Variants in TMEM117 observed in about 807,000 individuals in gnomAD.
TMEM117 encodes the protein transmembrane protein 117.
Under a neutral mutation model 52.4 loss-of-function variants are expected in TMEM117, and 27 were observed. The ratio of observed to expected loss-of-function variants is 0.51; its 90% CI spans 0.38 to 0.71. The LOEUF (loss-of-function observed/expected upper bound fraction) is 0.71, where lower values mean the gene tolerates loss of function less well. Ranked by LOEUF, TMEM117 falls within the 30% of genes least tolerant of loss-of-function variation. The pLI, the probability that TMEM117 is intolerant of heterozygous loss-of-function variation, is 0.00. For synonymous variants in TMEM117, 215 were observed against 206.3 expected (o/e 1.04, Z -0.36); for missense variants, 556 against 630.5 (o/e 0.88, Z 1.26).
At chr12:43,997,532 G>A (rs866857942) in intron 3 of TMEM117, among the ~76,000 whole-genome samples, 1 of 152,096 alleles carries the variant, frequency 6.6e-6, no homozygotes, top group Middle Eastern at 3.4e-3. Flanking sequence ...GTTTCTTTCT[G>A]CTTCTTCCTT....
At chr12:44,343,908 G>A (rs886138183) in intron 6 of TMEM117, among the ~76,000 whole-genome samples, 7 of 152,070 alleles carry the variant, frequency 4.6e-5, no homozygotes, top group Non-Finnish European at 1.0e-4. Context: ...TGTTTGGCTG[G>A]CACTGAAGTG....
chr12:44,167,018 A>T (rs1159245726), intron 4 of TMEM117, among the ~76,000 whole-genome samples: 2 of 152,200 alleles, frequency 1.3e-5, no homozygotes, highest in Non-Finnish European at 2.9e-5. Context: ...TTCTTAAAGG[A>T]TTTCCAGTCT....
chr12:44,030,441 T>C (rs1313542594), intron 3 of TMEM117, among the ~76,000 whole-genome samples: 1 of 152,186 alleles, frequency 6.6e-6, no homozygotes, highest in Non-Finnish European at 1.5e-5. Flanking sequence ...TAGTACATAA[T>C]TAAAATCGCT....
At chr12:44,145,788 A>T (rs759984968) in intron 4 of TMEM117, among the ~76,000 whole-genome samples, 1 of 152,172 alleles carries the variant, frequency 6.6e-6, no homozygotes, top group Non-Finnish European at 1.5e-5. Flanking sequence ...TTGCTTCCTG[A>T]CTTTTGTCTT....
At chr12:43,942,769 G>A (rs1221088301) in intron 2 of TMEM117, among the ~76,000 whole-genome samples, 1 of 152,056 alleles carries the variant, frequency 6.6e-6, no homozygotes, top group East Asian at 1.9e-4. Context: ...TTCTTCCTAT[G>A]CTCAGTGAGA....
At chr12:44,086,273 G>A (rs1183939113) in intron 3 of TMEM117, among the ~76,000 whole-genome samples, 3 of 149,808 alleles carry the variant, frequency 2.0e-5, no homozygotes. Context: ...GAGTGTAGTG[G>A]CATGATCTCA....
intron 7 of TMEM117, among the ~76,000 whole-genome samples, chr12:44,376,947 G>T (rs900627919): frequency 1.3e-5 from 2 of 152,162 alleles, no homozygotes; most frequent in African/African-American, 4.8e-5. Flanking sequence ...TTAGCATCCA[G>T]CAGGCAGATG....
At chr12:44,383,438 A>T (rs1952047437) in intron 7 of TMEM117, among the ~76,000 whole-genome samples, 1 of 152,204 alleles carries the variant, frequency 6.6e-6, no homozygotes, top group Non-Finnish European at 1.5e-5. Flanking sequence ...TAAAATTTTC[A>T]TTATAATATC....
rs982497198 is a variant in TMEM117 at position 44,388,601 on chromosome 12, T to C, written c.1474T>C (p.Leu492=). 1.2e-5 allele frequency: 20 copies of C among 1,613,376 alleles called. No individual in the cohort carries two copies. Among genetic ancestry groups the C allele is most frequent in the Non-Finnish European group, 1.7e-5 (20 of 1,179,598 alleles). The change falls in exon 8 of 8, where the codon TTG becomes CTG. Residue 492 remains leucine (L), a synonymous_variant. Transcript: ENST00000266534. ...HLTSENLSSQ[L]NESTSATEAD... The stretch of plus-strand genomic sequence containing the variant: ...AACCTCGGAAAACTTGAGCTCACAG[T>C]TGAACGAATCTACTAGTGCAACAGA...
intron 3 of TMEM117, among the ~76,000 whole-genome samples, chr12:44,065,663 T>C (rs1372419327): frequency 1.3e-5 from 2 of 152,156 alleles, no homozygotes; most frequent in Non-Finnish European, 2.9e-5. Flanking sequence ...GCAGTTGTGT[T>C]GAGGGCTTTC....
intron 6 of TMEM117, among the ~76,000 whole-genome samples, chr12:44,368,659 C>G (rs781438600): frequency 8.5e-5 from 13 of 152,106 alleles, no homozygotes; most frequent in Non-Finnish European, 1.8e-4. Flanking sequence ...TGTGACCATT[C>G]CTGGCAGCAT....
chr12:43,970,999 T>C (rs1186626159), intron 3 of TMEM117, among the ~76,000 whole-genome samples: 1 of 152,210 alleles, frequency 6.6e-6, no homozygotes, highest in Admixed American at 6.5e-5. Context: ...TCTTCACTTC[T>C]CTCACCCTAC....
intron 3 of TMEM117, among the ~76,000 whole-genome samples, chr12:44,025,267 G>A (rs1256045244): frequency 1.3e-5 from 2 of 152,102 alleles, no homozygotes; most frequent in Admixed American, 6.6e-5. Flanking sequence ...CGGTTCAGGG[G>A]CACCTAATCA....
At chr12:44,074,298 CA>C (rs1337307105) in intron 3 of TMEM117, among the ~76,000 whole-genome samples, 2 of 152,106 alleles carry the variant, frequency 1.3e-5, no homozygotes, top group African/African-American at 4.8e-5. Context: ...CATTAAGTAT[CA>C]ACTTGAATTG....
intron 3 of TMEM117, among the ~76,000 whole-genome samples, chr12:43,964,381 T>C (rs1357409394): frequency 6.6e-6 from 1 of 152,170 alleles, no homozygotes; most frequent in Non-Finnish European, 1.5e-5. Flanking sequence ...CTCCTACCTC[T>C]CAACTAGAAA....
intron 5 of TMEM117, among the ~76,000 whole-genome samples, chr12:44,238,390 G>A (rs909629794): frequency 1.3e-5 from 2 of 151,996 alleles, no homozygotes; most frequent in African/African-American, 4.8e-5. Flanking sequence ...ATAGAAGGAA[G>A]GAGGGAGGGG....
chr12:43,817,081 A>G, the TMEM117 span, among the ~76,000 whole-genome samples: 418 of 152,330 alleles, frequency 2.7e-3, 2 homozygotes, highest in African/African-American at 9.6e-3. Context: ...ATGAATCTAA[A>G]TACTGGTTTT....
At chr12:43,874,107 T>C (rs1943751850) in intron 2 of TMEM117, among the ~76,000 whole-genome samples, 1 of 152,176 alleles carries the variant, frequency 6.6e-6, no homozygotes, top group South Asian at 2.1e-4. Flanking sequence ...ACATTGGTAA[T>C]TATTGCTTTT....
intron 3 of TMEM117, among the ~76,000 whole-genome samples, chr12:44,142,745 T>C (rs971898174): frequency 2.0e-5 from 3 of 152,000 alleles, no homozygotes; most frequent in African/African-American, 7.2e-5. Context: ...TAGCTACCAT[T>C]TGTTAGTTAT....
Sources: gnomAD v4.1 joint callset for allele counts (sites outside exome capture counted in the v4.1 genomes callset) on GRCh38, gnomAD v4.1.1 for gene constraint, MANE v1.5 for transcripts, NCBI Gene and HGNC (gene_info 2026-07-23, HGNC 2026-07-21) for gene names.